The following SIRPA variants were observed in gnomAD, a reference collection of about 807,000 sequenced individuals.
The protein encoded by SIRPA is signal regulatory protein alpha, also known as tyrosine-protein phosphatase non-receptor type substrate 1.
In SIRPA, 9 loss-of-function variants were observed where a neutral mutation model predicts 50.3. The observed-to-expected ratio is 0.18, with a 90% confidence interval of 0.11 to 0.31. The LOEUF (loss-of-function observed/expected upper bound fraction) is 0.31, where lower values mean the gene tolerates loss of function less well. SIRPA is among the 10% of genes least tolerant of loss of function. The pLI is 1.00. For synonymous variants in SIRPA, 265 were observed against 284.1 expected (o/e 0.93, Z 0.68); for missense variants, 474 against 661.6 (o/e 0.72, Z 3.11).
rs1221343475 is a variant in SIRPA at position 1,932,855 on chromosome 20, C to T, written c.1227-1860C>T. Among the ~76,000 whole-genome samples, 1 of 152,036 alleles carries T rather than the reference C, an allele frequency of 6.6e-6. No homozygotes were observed. Among genetic ancestry groups the T allele is most frequent in the Non-Finnish European group, 1.5e-5 (1 of 68,024 alleles). ...TCAGGACTGACTCCCACTTCTCCAG[C>T]CTGAGCACAGGATGACCGATGGTAG... On this transcript the variant is annotated intron_variant, in intron 6 of 7. Coordinates refer to ENST00000358771, the MANE Select transcript of SIRPA (RefSeq NM_001040023.2). This position sits in a 1 kb window ranked among gnomAD's most constrained non-coding sequence, Gnocchi z 6.0.
intron 1 of SIRPA, among the ~76,000 whole-genome samples, chr20:1,912,248 C>T (rs565501172): frequency 2.6e-5 from 4 of 152,334 alleles, no homozygotes; most frequent in South Asian, 4.1e-4. Flanking sequence ...CGCCTGACTC[C>T]GCAGCCTCTC....
chr20:1,895,494 G>T lies in SIRPA; in HGVS notation c.47G>T (p.Cys16Phe). 6.8e-7 allele frequency: 1 copy of T among 1,460,664 alleles called. No individual in the cohort carries two copies. 90.5% of individuals were successfully genotyped at this position (1,460,664 alleles called of 1,614,324 possible). ...PAPGRLGPLL[C>F]LLLAASCAWS... ...CCCGGCCGCCTCGGGCCGCTGCTCT[G>T]CCTGCTGCTCGCCGCGTCCTGCGCC... Residue 16 changes from cysteine to phenylalanine, a missense_variant, in exon 1 of 8, where the codon TGC (cysteine) becomes TTC (phenylalanine). By Grantham distance (205) the Cys-to-Phe change is radical (BLOSUM62 -2). Around this residue, in one of 4 missense-constraint regions of SIRPA, gnomAD observed 72 missense variants for 76.2 expected, o/e 0.94. Transcript: ENST00000358771.
rs771098270 is a variant in SIRPA, at chr20:1,936,341, A to G, written c.1267-979A>G. ...GAACATTTATTGAAGACAGATGCTC[A>G]ATAGGTACCAGGCTCTGTTCTAAAC... On this transcript the variant is annotated intron_variant, in intron 7 of 7. Transcript: ENST00000358771. The surrounding 1 kb of genome is among the most constrained non-coding windows in gnomAD (Gnocchi z 4.2). 1.2e-4 allele frequency among the ~76,000 whole-genome samples: 19 copies of G among 152,192 alleles called. No individual in the cohort carries two copies. Among genetic ancestry groups the G allele is most frequent in the Non-Finnish European group, 2.5e-4 (17 of 68,038 alleles).
chr20:1,919,386 C>T (rs1047837868), intron 2 of SIRPA, among the ~76,000 whole-genome samples: 3 of 151,992 alleles, frequency 2.0e-5, no homozygotes, highest in African/African-American at 7.2e-5. Context: ...AAAGATGGTC[C>T]TCTTGGGGTG....
rs1332868443 is a variant in SIRPA at position 1,922,398 on chromosome 20, C to G, written c.840C>G (p.Pro280=). 9 of 1,614,234 alleles carry G rather than the reference C, an allele frequency of 5.6e-6. No individual in the cohort carries two copies. The highest frequency in any genetic ancestry group is 4.4e-5 in the South Asian group (4 of 91,088). ...NVTCQVRKFY[P]QRLQLTWLEN... The stretch of plus-strand genomic sequence containing the variant: ...CCTGCCAGGTGAGGAAGTTCTACCC[C>G]CAGAGACTACAGCTGACCTGGTTGG... Residue 280 remains proline (P), a synonymous_variant, in exon 4 of 8, where the codon CCC becomes CCG. Coordinates refer to ENST00000358771, the MANE Select transcript of SIRPA (RefSeq NM_001040023.2).
chr20:1,904,894 T>C (rs1316643649), intron 1 of SIRPA, among the ~76,000 whole-genome samples: 2 of 152,132 alleles, frequency 1.3e-5, no homozygotes, highest in African/African-American at 4.8e-5. Flanking sequence ...ATGGAGGGGC[T>C]TCTGCTCTGG....
chr20:1,916,188 T>C (rs1257313685), intron 2 of SIRPA, among the ~76,000 whole-genome samples: 4 of 152,330 alleles, frequency 2.6e-5, no homozygotes, highest in African/African-American at 9.6e-5. Flanking sequence ...TAGGTGACTT[T>C]GGGTTCCTCC....
At chr20:1,935,309 G>A (rs1986516015) in intron 7 of SIRPA, among the ~76,000 whole-genome samples, 1 of 152,256 alleles carries the variant, frequency 6.6e-6, no homozygotes, top group South Asian at 2.1e-4. Flanking sequence ...CGGTTTCTGA[G>A]AAACCTAGCC....
chr20:1,912,594 T>C (rs997620325), intron 1 of SIRPA, among the ~76,000 whole-genome samples: 6 of 152,254 alleles, frequency 3.9e-5, no homozygotes, highest in African/African-American at 1.4e-4. Context: ...AAATCAAATA[T>C]GTGAATAATA....
intron 2 of SIRPA, among the ~76,000 whole-genome samples, chr20:1,920,625 C>T (rs531792825): frequency 9.9e-5 from 15 of 152,220 alleles, no homozygotes; most frequent in South Asian, 6.2e-4. Context: ...CAAAGAAGAC[C>T]GCAGATTCAG....
In SIRPA at chr20:1,924,863, T is replaced by G; in HGVS notation, c.1187T>G (p.Ile396Ser). The G allele has an allele frequency of 6.2e-7, 1 of 1,614,064 alleles. No homozygotes were observed. Among genetic ancestry groups the G allele is most frequent in the Non-Finnish European group, 8.5e-7 (1 of 1,179,932 alleles). Residue 396 changes from isoleucine to serine, a missense_variant, in exon 5 of 8, where the codon ATC (isoleucine) becomes AGC (serine). Ile to Ser is a moderately radical substitution (Grantham distance 142). This residue lies in a region of SIRPA where 180 missense variants were observed against 206.7 expected (regional missense o/e 0.87). Coordinates refer to ENST00000358771, the MANE Select transcript of SIRPA (RefSeq NM_001040023.2). The surrounding 1 kb of genome is among the most constrained non-coding windows in gnomAD (Gnocchi z 4.5). ...ATGGCGGCCCTCTACCTCGTCCGAA[T>G]CAGACAGAAGAAAGGTGGGTGCATT... Reference protein sequence around the residue: ...LLMAALYLVRIRQKKAQGSTS... With the variant: ...LLMAALYLVRSRQKKAQGSTS...
intron 1 of SIRPA, among the ~76,000 whole-genome samples, chr20:1,905,407 G>T (rs1224080261): frequency 6.6e-6 from 1 of 152,176 alleles, no homozygotes; most frequent in Non-Finnish European, 1.5e-5. Context: ...TTCCTCATCT[G>T]TAGGAGGGGA....
intron 1 of SIRPA, among the ~76,000 whole-genome samples, chr20:1,905,135 G>A (rs1416435558): frequency 6.6e-6 from 1 of 152,214 alleles, no homozygotes; most frequent in Non-Finnish European, 1.5e-5. Flanking sequence ...TGTCAGCTTG[G>A]GGAAAAATCC....
intron 1 of SIRPA, among the ~76,000 whole-genome samples, chr20:1,910,688 T>A (rs1984837076): frequency 2.0e-5 from 3 of 152,138 alleles, no homozygotes; most frequent in Non-Finnish European, 2.9e-5. Context: ...ACAGGTTTTT[T>A]AAAAAACAAA....
intron 1 of SIRPA, among the ~76,000 whole-genome samples, chr20:1,909,029 C>T (rs1237788563): frequency 3.3e-5 from 5 of 152,302 alleles, no homozygotes; most frequent in East Asian, 1.9e-4. Flanking sequence ...AGGCAGCCCC[C>T]GATGAGGAGC....
In SIRPA at chr20:1,915,453, G is replaced by A. The variant is rs779342446; in HGVS notation, c.434G>A (p.Arg145His). 35 of 1,612,988 alleles carry A rather than the reference G, an allele frequency of 2.2e-5. No individual in the cohort carries two copies. Among genetic ancestry groups the A allele is most frequent in the East Asian group, 2.2e-5 (1 of 44,858 alleles). ...GGAGCAGGCACTGAGCTGTCTGTGC[G>A]CGGTGAGTACAGCGTGGGCCTCCTT... ...KSGAGTELSV[R>H]AKPSAPVVSG... The change falls in exon 2 of 8, where the codon CGC becomes CAC. Residue 145 changes from arginine to histidine, a missense_variant and splice_region_variant. Arg to His is a conservative substitution (Grantham distance 29). Around this residue, in one of 4 missense-constraint regions of SIRPA, gnomAD observed 221 missense variants for 359.9 expected, o/e 0.61. Transcript: ENST00000358771.
At chr20:1,907,138 T>C (rs1423310764) in intron 1 of SIRPA, among the ~76,000 whole-genome samples, 1 of 152,090 alleles carries the variant, frequency 6.6e-6, no homozygotes, top group African/African-American at 2.4e-5. Context: ...GCCCCTTCCC[T>C]GCAGGGATGT....
At chr20:1,910,303 T>C (rs968904858) in intron 1 of SIRPA, among the ~76,000 whole-genome samples, 19 of 152,044 alleles carry the variant, frequency 1.2e-4, no homozygotes, top group African/African-American at 4.3e-4. Flanking sequence ...CTGTGCTGAC[T>C]GCTCCCCTTA....
At chr20:1,908,100 G>A (rs183705261) in intron 1 of SIRPA, among the ~76,000 whole-genome samples, 6 of 152,126 alleles carry the variant, frequency 3.9e-5, no homozygotes, top group South Asian at 4.1e-4. Flanking sequence ...GGTGTTGACC[G>A]CCAGGAGCCC....
Sources: allele counts gnomAD v4.1 joint callset (sites outside exome capture counted in the v4.1 genomes callset), GRCh38; gene constraint gnomAD v4.1.1; regional missense constraint gnomAD v4.1.1; non-coding constraint Gnocchi (gnomAD v3.1); transcripts MANE v1.5; gene names NCBI Gene and HGNC (gene_info 2026-07-23, HGNC 2026-07-21).